GALNT18: variants seen among roughly 807,000 people sequenced by gnomAD.
GALNT18 encodes the protein GalNAc-transferase 18.
GALNT18 carries 44 observed loss-of-function variants against 69.5 expected under a neutral mutation model. The ratio of observed to expected loss-of-function variants is 0.63; its 90% CI spans 0.50 to 0.81. The LOEUF (loss-of-function observed/expected upper bound fraction) is 0.81. GALNT18 is among the 40% of genes least tolerant of loss of function. The probability of loss-of-function intolerance (pLI) is 0.00; values close to 1 mark genes in which losing one functional copy is unlikely to be tolerated. For synonymous variants in GALNT18, 364 were observed against 318.2 expected (o/e 1.14, Z -1.53); for missense variants, 715 against 810.0 (o/e 0.88, Z 1.42).
chr11:11,602,933 GA>G lies in GALNT18; in HGVS notation c.235+18425del, dbSNP rs1172598916. Among the ~76,000 whole-genome samples, 2 of 152,136 alleles carry G rather than the reference GA, an allele frequency of 1.3e-5. No homozygotes were observed. Among genetic ancestry groups the G allele is most frequent in the African/African-American group, 4.8e-5 (2 of 41,412 alleles). On this transcript the variant is annotated intron_variant, in intron 1 of 10. Transcript: ENST00000227756. The surrounding 1 kb of genome is among the most constrained non-coding windows in gnomAD (Gnocchi z 4.7). ...TGGGTGGTAAACTTGGGAAATACTA[GA>G]ATTTATGATTCATTTACATGGTTTC...
At chr11:11,536,422 T>C (rs1857774788) in intron 1 of GALNT18, among the ~76,000 whole-genome samples, 1 of 152,174 alleles carries the variant, frequency 6.6e-6, no homozygotes, top group African/African-American at 2.4e-5. Context: ...CAGGTTTCTA[T>C]CCTGCCTCCC....
At chr11:11,433,616 T>A (rs931554072) in intron 2 of GALNT18, among the ~76,000 whole-genome samples, 2 of 152,208 alleles carry the variant, frequency 1.3e-5, no homozygotes, top group Non-Finnish European at 2.9e-5. Context: ...CTTGAGGACT[T>A]GAGGTATTCC....
At position 11,590,531 on chromosome 11, in the gene GALNT18, C is replaced by T. The variant is rs575586323; in HGVS notation, c.235+30828G>A. ...AAGGACACTGGCTGTTCTGCTGCAT[C>T]AGTGCAACAGGGATATACTAGTGAG... is the stretch of plus-strand genomic sequence containing the variant. On this transcript the variant is annotated intron_variant, in intron 1 of 10. Transcript: ENST00000227756. This position sits in a 1 kb window ranked among gnomAD's most constrained non-coding sequence, Gnocchi z 4.4. Among the ~76,000 whole-genome samples, 10 of 152,344 alleles carry T rather than the reference C, an allele frequency of 6.6e-5. No individual in the cohort carries two copies. The highest frequency in any genetic ancestry group is 2.4e-4 in the African/African-American group (10 of 41,588).
In GALNT18 at chr11:11,433,951, C is replaced by T. The variant is rs373513875; in HGVS notation, c.429-1164G>A. On this transcript the variant is annotated intron_variant, in intron 2 of 10. Coordinates refer to ENST00000227756, the MANE Select transcript of GALNT18 (RefSeq NM_198516.3). ...TTCCACTGCTCCAGAGTGGGAGGTG[C>T]AGCCAGGTCAGAACATGCAATAATG... Among the ~76,000 whole-genome samples, 4 of 152,230 alleles carry T rather than the reference C, an allele frequency of 2.6e-5. No homozygotes were observed. In the South Asian group the frequency reaches 8.3e-4, roughly 32 times the overall value.
intron 1 of GALNT18, among the ~76,000 whole-genome samples, chr11:11,537,826 C>T (rs981424225): frequency 5.9e-5 from 9 of 152,140 alleles, no homozygotes; most frequent in African/African-American, 1.2e-4. Flanking sequence ...TGGATTACAA[C>T]GAAGTTTGGA....
At chr11:11,275,883 T>A (rs990127025) in intron 10 of GALNT18, among the ~76,000 whole-genome samples, 41 of 152,330 alleles carry the variant, frequency 2.7e-4, no homozygotes, top group African/African-American at 9.9e-4. Flanking sequence ...TTCTGTTCCA[T>A]TGGTCTATCT....
intron 3 of GALNT18, among the ~76,000 whole-genome samples, chr11:11,405,462 T>C (rs544571693): frequency 6.6e-6 from 1 of 152,242 alleles, no homozygotes; most frequent in East Asian, 1.9e-4. Flanking sequence ...GTGTCGCAGA[T>C]TTTCACTGAC....
chr11:11,402,510 G>T lies in GALNT18; in HGVS notation c.596-23246C>A, dbSNP rs1854490865. Among the ~76,000 whole-genome samples the T allele has an allele frequency of 6.6e-6, 1 of 152,304 alleles. No individual in the cohort carries two copies. The highest frequency in any genetic ancestry group is 2.4e-5 in the African/African-American group (1 of 41,562). ...AAAAGCAAAATGATGAGCTTCTTTT[G>T]TCAAGGTGTCCATAGGCCTCTGCTC... On this transcript the variant is annotated intron_variant, in intron 3 of 10. Transcript: ENST00000227756. This position sits in a 1 kb window ranked among gnomAD's most constrained non-coding sequence, Gnocchi z 4.0.
chr11:11,560,157 GATGT>G (rs780426036), intron 1 of GALNT18, among the ~76,000 whole-genome samples: 30 of 492 alleles, frequency 0.061, no homozygotes, highest in Non-Finnish European at 0.088. Flanking sequence ...GATATGATGG[GATGT>G]ATGGGATGGG....
At chr11:11,313,878 T>C (rs940522934) in intron 9 of GALNT18, among the ~76,000 whole-genome samples, 4 of 152,200 alleles carry the variant, frequency 2.6e-5, no homozygotes, top group African/African-American at 7.2e-5. Context: ...AAGCAACAAA[T>C]GCAAGCTACC....
chr11:11,346,523 C>T (rs1850305901), intron 6 of GALNT18, among the ~76,000 whole-genome samples: 2 of 152,222 alleles, frequency 1.3e-5, no homozygotes, highest in Admixed American at 1.3e-4. Flanking sequence ...AAGAGAGTTA[C>T]TTGGGCTGCA....
rs1343023500 is a variant in GALNT18, at chr11:11,564,304, C to T, written c.235+57055G>A. Among the ~76,000 whole-genome samples, 1 of 152,160 alleles carries T rather than the reference C, an allele frequency of 6.6e-6. No homozygotes were observed. The highest frequency in any genetic ancestry group is 1.5e-5 in the Non-Finnish European group (1 of 68,020). On this transcript the variant is annotated intron_variant, in intron 1 of 10. Coordinates refer to ENST00000227756, the MANE Select transcript of GALNT18 (RefSeq NM_198516.3). This position sits in a 1 kb window ranked among gnomAD's most constrained non-coding sequence, Gnocchi z 4.3. Reference sequence around the variant, plus strand: ...TCTCTGTCAAGCCTCCCCTTCAGGTCCTAGAATGACAGGCACATACATCCC... The same window carrying T: ...TCTCTGTCAAGCCTCCCCTTCAGGTTCTAGAATGACAGGCACATACATCCC...
chr11:11,455,910 G>C (rs545969232), intron 1 of GALNT18, among the ~76,000 whole-genome samples: 2 of 152,234 alleles, frequency 1.3e-5, no homozygotes, highest in African/African-American at 4.8e-5. Context: ...GTAACATGCA[G>C]AAACCCCATC....
rs564596210 is a variant in GALNT18, at chr11:11,385,365, G to A, written c.596-6101C>T. Among the ~76,000 whole-genome samples, 24 of 150,648 alleles carry A rather than the reference G, an allele frequency of 1.6e-4. 1 individual carries two copies. Among genetic ancestry groups the A allele is most frequent in the Middle Eastern group, 6.3e-3 (2 of 316 alleles). On this transcript the variant is annotated intron_variant, in intron 3 of 10. Coordinates refer to ENST00000227756, the MANE Select transcript of GALNT18 (RefSeq NM_198516.3). ...GGATGGAGTGCAGTGGTGCAATCTCGGCTCACTGCAAGCTCCGCCTCCCGG... is the reference window on the plus strand; with the variant it reads ...GGATGGAGTGCAGTGGTGCAATCTCAGCTCACTGCAAGCTCCGCCTCCCGG...
rs3221469 is a variant in GALNT18 at position 11,497,371 on chromosome 11, C to CA, written c.236-48436_236-48435insT. Among the ~76,000 whole-genome samples the CA allele has an allele frequency of 2.3e-5, 3 of 131,858 alleles. No homozygotes were observed. Among genetic ancestry groups the CA allele is most frequent in the East Asian group, 2.1e-4 (1 of 4,678 alleles). The allele number at this position is 131,858 out of a possible 152,430, so 86.5% of individuals were successfully genotyped here. A position where few individuals can be genotyped will look rare whatever the true frequency, so the allele number is the denominator to read the frequency against. On this transcript the variant is annotated intron_variant, in intron 1 of 10. Coordinates refer to ENST00000227756, the MANE Select transcript of GALNT18 (RefSeq NM_198516.3). This position sits in a 1 kb window ranked among gnomAD's most constrained non-coding sequence, Gnocchi z 4.2. ...ACACACACACACACACACACACACA[C>CA]CCCTTAGAATGGGGCTCCTTAAGAG...
rs1401021072 is a variant in GALNT18, at chr11:11,318,111, T to C, written c.1512+8975A>G. On this transcript the variant is annotated intron_variant, in intron 9 of 10. Transcript: ENST00000227756. The surrounding 1 kb of genome is among the most constrained non-coding windows in gnomAD (Gnocchi z 5.1). ...TGAGTCAGGCAGGGCCATGTTACCA[T>C]GTCTGGCCAGTGAAATGAGAGAGGA... Among the ~76,000 whole-genome samples the C allele has an allele frequency of 4.6e-5, 7 of 152,180 alleles. No homozygotes were observed. Among genetic ancestry groups the C allele is most frequent in the African/African-American group, 1.4e-4 (6 of 41,468 alleles).
At chr11:11,361,173 A>C (rs901007397) in intron 6 of GALNT18, among the ~76,000 whole-genome samples, 2 of 152,272 alleles carry the variant, frequency 1.3e-5, no homozygotes, top group African/African-American at 2.4e-5. Context: ...TGAATGAATA[A>C]ATAATGAACC....
At position 11,279,763 on chromosome 11, in the gene GALNT18, G is replaced by C. The variant is rs1221724694; in HGVS notation, c.1678-8473C>G. On this transcript the variant is annotated intron_variant, in intron 10 of 10. Coordinates refer to ENST00000227756, the MANE Select transcript of GALNT18 (RefSeq NM_198516.3). ...GAAGGGACTGGGAAGGTGATGGGCA[G>C]GAAATCACAAGGGTGTTGCTAGCAG... Among the ~76,000 whole-genome samples the C allele has an allele frequency of 2.6e-5, 4 of 152,232 alleles. No homozygotes were observed. In the East Asian group the frequency reaches 5.8e-4, roughly 22 times the overall value.
intron 10 of GALNT18, among the ~76,000 whole-genome samples, chr11:11,272,501 G>A (rs144134693): frequency 6.6e-6 from 1 of 152,274 alleles, no homozygotes; most frequent in Non-Finnish European, 1.5e-5. Flanking sequence ...ATGGCTCAGT[G>A]CTGCCTTTCT....
Sources: gnomAD v4.1 joint callset for allele counts (sites outside exome capture counted in the v4.1 genomes callset) on GRCh38, gnomAD v4.1.1 for gene constraint, Gnocchi (gnomAD v3.1) non-coding constraint, MANE v1.5 for transcripts, NCBI Gene and HGNC (gene_info 2026-07-23, HGNC 2026-07-21) for gene names.